PRKCB: variants seen among roughly 807,000 people sequenced by gnomAD.
PRKCB encodes the protein protein kinase C beta type.
In PRKCB, 13 loss-of-function variants were observed where a neutral mutation model predicts 81.5. The observed-to-expected ratio is 0.16, with a 90% CI of 0.10 to 0.25. The LOEUF is 0.25. Ranked by LOEUF, PRKCB falls within the 10% of genes least tolerant of loss-of-function variation. The probability of loss-of-function intolerance (pLI) is 1.00; values close to 1 mark genes in which losing one functional copy is unlikely to be tolerated. For missense variants in PRKCB, 509 were observed against 875.7 expected (o/e 0.58, Z 5.29); for synonymous variants, 335 against 321.4 (o/e 1.04, Z -0.45).
At chr16:24,143,937 G>A (rs1408839266) in intron 9 of PRKCB, among the ~76,000 whole-genome samples, 1 of 152,174 alleles carries the variant, frequency 6.6e-6, no homozygotes, top group Admixed American at 6.5e-5. Flanking sequence ...TTGCAGGGAT[G>A]TTATTAAGAA....
In PRKCB at chr16:24,092,849, A is replaced by G. The variant is rs769253047; in HGVS notation, c.588A>G (p.Val196=). 3.7e-6 allele frequency: 6 copies of G among 1,614,040 alleles called. No individual in the cohort carries two copies. In the African/African-American group the frequency reaches 8.0e-5, roughly 22 times the overall value. The change falls in exon 6 of 17, where the codon GTA becomes GTG. Residue 196 remains valine (V), a synonymous_variant. Transcript: ENST00000643927. The stretch of plus-strand genomic sequence containing the variant: ...CCAATGGCCTGTCAGATCCCTACGT[A>G]AAACTGAAACTGATTCCCGATCCCA... ...MDPNGLSDPY[V]KLKLIPDPKS...
intron 3 of PRKCB, among the ~76,000 whole-genome samples, chr16:24,030,933 A>T (rs1180614378): frequency 6.6e-6 from 1 of 150,562 alleles, no homozygotes; most frequent in Non-Finnish European, 1.5e-5. Context: ...GCATAGTTGC[A>T]TGCACCTGTA....
Position 24,086,367 on chromosome 16 carries a change from T to C in PRKCB, c.530-6424T>C, listed in dbSNP as rs369577662. 1.9e-3 allele frequency among the ~76,000 whole-genome samples: 290 copies of C among 152,134 alleles called. 1 individual carries two copies. Among genetic ancestry groups the C allele is most frequent in the Non-Finnish European group, 3.4e-3 (230 of 67,986 alleles). On this transcript the variant is annotated intron_variant, in intron 5 of 16. Transcript: ENST00000643927. ...GGCAGGGCAGGACAGTGAAAATAGG[T>C]TGATGGATCTGAAATGATTGACCTG...
At chr16:23,839,149 G>A (rs1962220526) in intron 2 of PRKCB, among the ~76,000 whole-genome samples, 2 of 152,132 alleles carry the variant, frequency 1.3e-5, no homozygotes, top group African/African-American at 2.4e-5. Flanking sequence ...AATGTGCAAG[G>A]CATGACACAT....
At chr16:23,932,956 A>T (rs1422645189) in intron 2 of PRKCB, among the ~76,000 whole-genome samples, 1 of 152,226 alleles carries the variant, frequency 6.6e-6, no homozygotes, top group Non-Finnish European at 1.5e-5. Flanking sequence ...TTTCAGAATT[A>T]CGAGGATGCA....
At chr16:24,020,992 C>CTTTCTTTCTT (rs1445108110) in intron 3 of PRKCB, among the ~76,000 whole-genome samples, 1 of 127,806 alleles carries the variant, frequency 7.8e-6, no homozygotes, top group Non-Finnish European at 1.7e-5. Flanking sequence ...TTCTTTCTTT[C>CTTTCTTTCTT]TTTCTTTCTT....
At chr16:23,886,712 C>T (rs887914998) in intron 2 of PRKCB, among the ~76,000 whole-genome samples, 5 of 152,118 alleles carry the variant, frequency 3.3e-5, no homozygotes, top group African/African-American at 1.2e-4. Flanking sequence ...CGTGCCCAGC[C>T]GTGTTATGAG....
chr16:24,013,686 G>A (rs150753273), intron 3 of PRKCB, among the ~76,000 whole-genome samples: 31 of 151,652 alleles, frequency 2.0e-4, no homozygotes, highest in Middle Eastern at 3.4e-3. Context: ...CTAGGATGCT[G>A]CATGAACATA....
rs1963037407 is a variant in PRKCB, at chr16:23,877,658, G to T, written c.205+40252G>T. On this transcript the variant is annotated intron_variant, in intron 2 of 16. Coordinates refer to ENST00000643927, the MANE Select transcript of PRKCB (RefSeq NM_002738.7). Reference sequence around the variant, plus strand: ...AACTCAGGAAAGTTAGTTGTTCTGTGTGAGTCCCCATGTTCTCACTGATTT... The same window carrying T: ...AACTCAGGAAAGTTAGTTGTTCTGTTTGAGTCCCCATGTTCTCACTGATTT... 2.0e-5 allele frequency among the ~76,000 whole-genome samples: 3 copies of T among 152,142 alleles called. No individual in the cohort carries two copies. The South Asian group carries it at 6.2e-4, about 32-fold the overall frequency.
At chr16:24,151,258 A>G (rs1016577348) in intron 9 of PRKCB, among the ~76,000 whole-genome samples, 2 of 152,210 alleles carry the variant, frequency 1.3e-5, no homozygotes, top group African/African-American at 4.8e-5. Flanking sequence ...CTGACTCAGA[A>G]CCTTCAGCAG....
chr16:23,837,667 T>G (rs2188357), intron 2 of PRKCB, among the ~76,000 whole-genome samples: 1 of 151,958 alleles, frequency 6.6e-6, no homozygotes, highest in Non-Finnish European at 1.5e-5. Flanking sequence ...CAAAGCGGTC[T>G]CCTGAAGCAA....
intron 2 of PRKCB, among the ~76,000 whole-genome samples, chr16:23,874,564 C>CTTTTTT (rs1555480762): frequency 2.6e-5 from 1 of 38,334 alleles, no homozygotes; most frequent in African/African-American, 1.2e-4. Context: ...CCAGATTCTT[C>CTTTTTT]TCTCTTTTTT....
intron 2 of PRKCB, among the ~76,000 whole-genome samples, chr16:23,918,162 T>C (rs8057516): frequency 0.52 from 78,139 of 151,724 alleles, 20,967 homozygotes; most frequent in East Asian, 0.62. Context: ...TTTTGACACT[T>C]GGAGGGATGG....
intron 9 of PRKCB, among the ~76,000 whole-genome samples, chr16:24,125,487 T>G (rs1214698168): frequency 6.6e-6 from 1 of 152,216 alleles, no homozygotes; most frequent in Non-Finnish European, 1.5e-5. Context: ...CTTCCTGCAA[T>G]TCACATCTCA....
intron 3 of PRKCB, among the ~76,000 whole-genome samples, chr16:24,020,545 AG>A (rs931633718): frequency 6.2e-4 from 94 of 152,284 alleles, no homozygotes; most frequent in African/African-American, 2.1e-3. Flanking sequence ...TTCTGTGTGC[AG>A]GACACTGTGC....
chr16:23,910,830 T>C (rs1313116065), intron 2 of PRKCB, among the ~76,000 whole-genome samples: 1 of 152,178 alleles, frequency 6.6e-6, no homozygotes, highest in African/African-American at 2.4e-5. Flanking sequence ...TCCATTTTTT[T>C]TCTCTCTTCC....
intron 7 of PRKCB, among the ~76,000 whole-genome samples, chr16:24,104,945 C>A (rs939535141): frequency 1.3e-5 from 2 of 152,172 alleles, no homozygotes; most frequent in Non-Finnish European, 2.9e-5. Flanking sequence ...TGCATATGTC[C>A]TCTAGTTGTG....
intron 2 of PRKCB, among the ~76,000 whole-genome samples, chr16:23,887,912 T>G (rs1963229797): frequency 6.6e-6 from 1 of 152,192 alleles, no homozygotes; most frequent in African/African-American, 2.4e-5. Flanking sequence ...ATTCTCCAGC[T>G]GGGGGTGCTG....
At chr16:24,169,321 G>A (rs1356538933) in intron 10 of PRKCB, among the ~76,000 whole-genome samples, 1 of 152,026 alleles carries the variant, frequency 6.6e-6, no homozygotes, top group Non-Finnish European at 1.5e-5. Flanking sequence ...GGTACACAGC[G>A]GTAAACAAAT....
Sources: gnomAD v4.1 joint callset for allele counts (sites outside exome capture counted in the v4.1 genomes callset) on GRCh38, gnomAD v4.1.1 for gene constraint, MANE v1.5 for transcripts, NCBI Gene and HGNC (gene_info 2026-07-23, HGNC 2026-07-21) for gene names.